AGBL4: variants seen among roughly 807,000 people sequenced by gnomAD.
The protein encoded by AGBL4 is AGBL carboxypeptidase 4, also known as cytosolic carboxypeptidase 6.
A neutral mutation model predicts 66.4 loss-of-function variants in AGBL4; 58 were observed. The ratio of observed to expected loss-of-function variants is 0.87; its 90% CI spans 0.71 to 1.09. AGBL4 has a LOEUF of 1.09. Ranked by LOEUF, AGBL4 falls within the 50% of genes least tolerant of loss-of-function variation. The pLI, the probability that AGBL4 is intolerant of heterozygous loss-of-function variation, is 0.00. For synonymous variants in AGBL4, 234 were observed against 222.9 expected (o/e 1.05, Z -0.44); for missense variants, 579 against 631.0 (o/e 0.92, Z 0.88).
At chr1:48,727,929 C>T (rs931385536) in intron 6 of AGBL4, 12 of 1,609,706 alleles carry the variant, frequency 7.5e-6, no homozygotes, top group Non-Finnish European at 1.0e-5. Context: ...TTCATTTTTA[C>T]AGGATTTATT....
chr1:48,840,157 T>C (rs1451753577), intron 6 of AGBL4, among the ~76,000 whole-genome samples: 4 of 152,156 alleles, frequency 2.6e-5, no homozygotes, highest in Admixed American at 6.6e-5. Context: ...TTAATTTTCA[T>C]GTTTTCACTG....
chr1:49,594,270 A>T (rs772380050), intron 3 of AGBL4, among the ~76,000 whole-genome samples: 1 of 152,206 alleles, frequency 6.6e-6, no homozygotes, highest in Non-Finnish European at 1.5e-5. Flanking sequence ...GGATACCTGT[A>T]CAGGAAAGGG....
In AGBL4 at chr1:49,044,029, A is replaced by T. The variant is rs538030567; in HGVS notation, c.594+1555T>A. Among the ~76,000 whole-genome samples, 6 of 152,346 alleles carry T rather than the reference A, an allele frequency of 3.9e-5. No homozygotes were observed. The East Asian group carries it at 1.2e-3, about 29-fold the overall frequency. On this transcript the variant is annotated intron_variant, in intron 5 of 13. Transcript: ENST00000371839. ...TTAGAATGTTTAGAGCCTGTCCAAT[A>T]AGCCTCTTTTAGGGGCACAATCCAC...
At chr1:49,740,778 A>G (rs1446309227) in intron 2 of AGBL4, among the ~76,000 whole-genome samples, 3 of 152,242 alleles carry the variant, frequency 2.0e-5, no homozygotes, top group African/African-American at 7.2e-5. Flanking sequence ...ATGGAAACTG[A>G]ACAAACTGCT....
chr1:49,410,750 A>G (rs1047241201), intron 3 of AGBL4, among the ~76,000 whole-genome samples: 1 of 152,180 alleles, frequency 6.6e-6, no homozygotes, highest in Non-Finnish European at 1.5e-5. Context: ...ATAAAATGCA[A>G]ATTTGACAAA....
At chr1:49,010,781 AG>A (rs1278420864) in intron 5 of AGBL4, among the ~76,000 whole-genome samples, 2 of 151,932 alleles carry the variant, frequency 1.3e-5, no homozygotes, top group African/African-American at 2.4e-5. Flanking sequence ...CAATGGGGAA[AG>A]GATTCCCTAT....
At chr1:49,874,382 A>C (rs939553460) in intron 1 of AGBL4, among the ~76,000 whole-genome samples, 2 of 152,096 alleles carry the variant, frequency 1.3e-5, no homozygotes, top group African/African-American at 4.8e-5. Context: ...GGTAATGAAA[A>C]TGTTACACAT....
chr1:48,862,664 G>T (rs1264859027), intron 6 of AGBL4, among the ~76,000 whole-genome samples: 1 of 152,092 alleles, frequency 6.6e-6, no homozygotes, highest in Non-Finnish European at 1.5e-5. Flanking sequence ...TTGTTAACTG[G>T]ACTCTGCAAA....
rs981800784 is a variant in AGBL4, at chr1:49,396,940, G to A, written c.283-151076C>T. Reference sequence around the variant, plus strand: ...CAGTTTCGTGGGAGACAATTTTTCCGCAGACAGTGGGGTGGGGATGGTTTC... The same window carrying A: ...CAGTTTCGTGGGAGACAATTTTTCCACAGACAGTGGGGTGGGGATGGTTTC... On this transcript the variant is annotated intron_variant, in intron 3 of 13. Coordinates refer to ENST00000371839, the MANE Select transcript of AGBL4 (RefSeq NM_032785.4). Among the ~76,000 whole-genome samples, 14 of 152,246 alleles carry A rather than the reference G, an allele frequency of 9.2e-5. No individual in the cohort carries two copies. The South Asian group carries it at 1.7e-3, about 18-fold the overall frequency.
At chr1:49,610,775 C>A (rs1645140735) in intron 3 of AGBL4, among the ~76,000 whole-genome samples, 1 of 152,176 alleles carries the variant, frequency 6.6e-6, no homozygotes, top group South Asian at 2.1e-4. Flanking sequence ...CGATAAATAT[C>A]TCTTAATAAA....
chr1:48,641,568 G>C (rs915420940), intron 8 of AGBL4, among the ~76,000 whole-genome samples: 2 of 152,174 alleles, frequency 1.3e-5, no homozygotes, highest in African/African-American at 4.8e-5. Context: ...GTAGCTTTGT[G>C]ACCTTGGACA....
intron 5 of AGBL4, among the ~76,000 whole-genome samples, chr1:48,887,209 G>C (rs1650448647): frequency 6.6e-6 from 1 of 152,140 alleles, no homozygotes; most frequent in Admixed American, 6.5e-5. Context: ...TATGACGAGG[G>C]CATAGAGGAA....
chr1:49,326,895 C>G (rs1645238668), intron 3 of AGBL4, among the ~76,000 whole-genome samples: 1 of 152,174 alleles, frequency 6.6e-6, no homozygotes, highest in Non-Finnish European at 1.5e-5. Context: ...GTTCTAAAAT[C>G]AAGGCATTGA....
At chr1:49,978,241 G>A (rs911246822) in intron 1 of AGBL4, among the ~76,000 whole-genome samples, 1 of 152,064 alleles carries the variant, frequency 6.6e-6, no homozygotes, top group African/African-American at 2.4e-5. Context: ...TTGAGGCCAG[G>A]AATTTGAGAC....
intron 4 of AGBL4, among the ~76,000 whole-genome samples, chr1:49,098,364 C>G (rs949139934): frequency 6.6e-6 from 1 of 152,182 alleles, no homozygotes; most frequent in African/African-American, 2.4e-5. Context: ...TCTGATCAAA[C>G]TGGACATAGA....
At chr1:48,578,802 T>A (rs1159604495) in intron 11 of AGBL4, among the ~76,000 whole-genome samples, 1 of 152,158 alleles carries the variant, frequency 6.6e-6, no homozygotes, top group Non-Finnish European at 1.5e-5. Context: ...CTACCTAGTA[T>A]CAGGCTTTAG....
At chr1:50,016,286 G>T (rs1320130919) in intron 1 of AGBL4, among the ~76,000 whole-genome samples, 1 of 152,158 alleles carries the variant, frequency 6.6e-6, no homozygotes, top group Non-Finnish European at 1.5e-5. Context: ...AACAGGCTGG[G>T]CGTGGTGGCT....
intron 3 of AGBL4, among the ~76,000 whole-genome samples, chr1:49,630,077 C>T (rs1038376401): frequency 3.3e-5 from 5 of 152,132 alleles, no homozygotes; most frequent in African/African-American, 1.2e-4. Context: ...GGCCTTCTGG[C>T]TCCTGGTTGT....
chr1:48,858,523 T>C (rs1003273366), intron 6 of AGBL4, among the ~76,000 whole-genome samples: 1 of 152,204 alleles, frequency 6.6e-6, no homozygotes. Context: ...TGATACATGC[T>C]ACAACATGGG....
Sources: gnomAD v4.1 joint callset for allele counts (sites outside exome capture counted in the v4.1 genomes callset) on GRCh38, gnomAD v4.1.1 for gene constraint, MANE v1.5 for transcripts, NCBI Gene and HGNC (gene_info 2026-07-23, HGNC 2026-07-21) for gene names.